ADORA2A: variants seen among roughly 807,000 people sequenced by gnomAD.
The protein encoded by ADORA2A is adenosine A2a receptor, also known as adenosine receptor A2a.
Under a neutral mutation model 18.4 loss-of-function variants are expected in ADORA2A, and 11 were observed. That is an observed-to-expected ratio of 0.60 (90% confidence interval 0.38 to 0.99). ADORA2A has a LOEUF of 0.99. Among genes scored for constraint, ADORA2A ranks in the 50% least tolerant of loss-of-function variants. The probability of loss-of-function intolerance (pLI) is 0.01; values close to 1 mark genes in which losing one functional copy is unlikely to be tolerated. For synonymous variants in ADORA2A, 218 were observed against 237.3 expected (o/e 0.92, Z 0.75); for missense variants, 449 against 556.1 (o/e 0.81, Z 1.94).
chr22:24,428,000 T>C (rs1177434236), intron 1 of ADORA2A, among the ~76,000 whole-genome samples: 2 of 152,130 alleles, frequency 1.3e-5, no homozygotes, highest in Non-Finnish European at 2.9e-5. Flanking sequence ...GGGGGAGGGA[T>C]GCCAGGTGTA....
chr22:24,435,217 G>A (rs764566761), intron 2 of ADORA2A, among the ~76,000 whole-genome samples: 17 of 152,242 alleles, frequency 1.1e-4, no homozygotes, highest in Admixed American at 3.3e-4. Context: ...AGTCTCTGGT[G>A]AGCCTCCATC....
chr22:24,424,107 T>A (rs1223699212), upstream of ADORA2A: 4 of 151,712 alleles, frequency 2.6e-5, no homozygotes, highest in Non-Finnish European at 5.9e-5. The surrounding 1 kb of genome is among the most constrained non-coding windows in gnomAD (Gnocchi z 4.9). Context: ...TCTGCTCCCC[T>A]CAGGGTTCCT....
At chr22:24,429,721 CT>C (rs2146871355) in intron 1 of ADORA2A, 1 of 152,660 alleles carries the variant, frequency 6.6e-6, no homozygotes, top group East Asian at 1.9e-4. Flanking sequence ...GTTTCCTCAT[CT>C]GTAAAATGGG....
At position 24,441,636 on chromosome 22, in the gene ADORA2A, G is replaced by T; in HGVS notation, c.*147G>T. On this transcript the variant is annotated 3_prime_UTR_variant, in exon 3 of 3. Transcript: ENST00000337539. ...TTTGGACTGAGAGAAGGGAGCCCCA[G>T]GCTGGAGCAGCATGAGGCCCAGCAA... The T allele has an allele frequency of 1.3e-6, 1 of 790,590 alleles. No individual in the cohort carries two copies. Among genetic ancestry groups the T allele is most frequent in the Non-Finnish European group, 1.8e-6 (1 of 553,622 alleles). The allele number at this position is 790,590 out of a possible 1,614,324, so 49.0% of individuals were successfully genotyped here. A position where few individuals can be genotyped will look rare whatever the true frequency, so the allele number is the denominator to read the frequency against.
At chr22:24,428,223 CA>C (rs769572658) in intron 1 of ADORA2A, among the ~76,000 whole-genome samples, 23 of 152,310 alleles carry the variant, frequency 1.5e-4, no homozygotes, top group Non-Finnish European at 3.4e-4. Context: ...TGGGCCATCC[CA>C]AAAGCCAGTC....
At chr22:24,436,750 G>C (rs1209593195) in intron 2 of ADORA2A, among the ~76,000 whole-genome samples, 1 of 152,242 alleles carries the variant, frequency 6.6e-6, no homozygotes, top group Non-Finnish European at 1.5e-5. Context: ...GATTGGGAGA[G>C]AGGGCTCCCT....
Position 24,440,946 on chromosome 22 carries a change from C to T in ADORA2A, c.696C>T (p.Ala232=). The stretch of plus-strand genomic sequence containing the variant: ...CACTGCAGAAGGAGGTCCATGCTGC[C>T]AAGTCACTGGCCATCATTGTGGGGC... The part of the protein sequence containing the change: ...RSTLQKEVHA[A]KSLAIIVGLF... The change falls in exon 3 of 3, where the codon GCC becomes GCT. Residue 232 remains alanine (A), a synonymous_variant. Coordinates refer to ENST00000337539, the MANE Select transcript of ADORA2A (RefSeq NM_000675.6). The T allele has an allele frequency of 6.2e-7, 1 of 1,614,164 alleles. No homozygotes were observed. The highest frequency in any genetic ancestry group is 8.5e-7 in the Non-Finnish European group (1 of 1,180,040).
intron 2 of ADORA2A, among the ~76,000 whole-genome samples, chr22:24,437,727 T>C (rs970092668): frequency 5.3e-5 from 8 of 152,358 alleles, no homozygotes; most frequent in South Asian, 4.1e-4. Context: ...ATGTATGTTT[T>C]GTTTCTGTCC....
upstream of ADORA2A, chr22:24,423,655 G>T: frequency 6.5e-6 from 1 of 153,016 alleles, no homozygotes; most frequent in Non-Finnish European, 1.5e-5. Context: ...GGAAGCGGCG[G>T]GACGGATGCG....
upstream of ADORA2A, among the ~76,000 whole-genome samples, chr22:24,426,590 C>A (rs1265724385): frequency 6.6e-6 from 1 of 152,040 alleles, no homozygotes; most frequent in East Asian, 1.9e-4. Flanking sequence ...CAGAGAGGAG[C>A]CCCCACACAA....
rs200117692 is a variant in ADORA2A, at chr22:24,441,169, G to A, written c.919G>A (p.Val307Ile). 9.9e-6 allele frequency: 16 copies of A among 1,614,162 alleles called. No homozygotes were observed. The highest frequency in any genetic ancestry group is 8.9e-5 in the East Asian group (4 of 44,890). The change falls in exon 3 of 3, where the codon GTC becomes ATC. Residue 307 changes from valine (V) to isoleucine (I), a missense_variant. By Grantham distance (29) the Val-to-Ile change is conservative. Coordinates refer to ENST00000337539, the MANE Select transcript of ADORA2A (RefSeq NM_000675.6). ...CTTCCGCAAGATCATTCGCAGCCAC[G>A]TCCTGAGGCAGCAAGAACCTTTCAA... ...QTFRKIIRSH[V>I]LRQQEPFKAA...
At chr22:24,426,404 G>A (rs1221815006), upstream of ADORA2A, among the ~76,000 whole-genome samples, 3 of 152,216 alleles carry the variant, frequency 2.0e-5, no homozygotes, top group Admixed American at 6.5e-5. Flanking sequence ...CATGTGTGGT[G>A]GGGGTGCTGT....
At position 24,441,896 on chromosome 22, in the gene ADORA2A, C is replaced by G. The variant is rs368865600; in HGVS notation, c.*407C>G. On this transcript the variant is annotated 3_prime_UTR_variant, in exon 3 of 3. Coordinates refer to ENST00000337539, the MANE Select transcript of ADORA2A (RefSeq NM_000675.6). ...CCACCCACACACCACTCTCCCTAGA[C>G]TCTCCTAGGGTTCAGGAGCTGCTGG... 2.3e-5 allele frequency: 4 copies of G among 176,684 alleles called. No homozygotes were observed. The highest frequency in any genetic ancestry group is 9.4e-5 in the African/African-American group (4 of 42,378). 10.9% of individuals were successfully genotyped at this position (176,684 alleles called of 1,614,324 possible).
chr22:24,430,504 C>T (rs1247793290), intron 1 of ADORA2A: 3 of 156,666 alleles, frequency 1.9e-5, no homozygotes, highest in Non-Finnish European at 2.8e-5. Context: ...GGTACACAGG[C>T]AGGTACCCAG....
upstream of ADORA2A, among the ~76,000 whole-genome samples, chr22:24,425,884 A>G (rs1311344570): frequency 6.6e-6 from 1 of 152,218 alleles, no homozygotes; most frequent in East Asian, 1.9e-4. Flanking sequence ...TGATCTTAGC[A>G]ATGCCTAATG....
Position 24,441,327 on chromosome 22 carries a change from T to C in ADORA2A, c.1077T>C (p.Asn359=), listed in dbSNP as rs1169171859. 1 of 1,603,896 alleles carries C rather than the reference T, an allele frequency of 6.2e-7. No homozygotes were observed. Among genetic ancestry groups the C allele is most frequent in the African/African-American group, 1.3e-5 (1 of 74,758 alleles). The part of the protein sequence containing the change: ...GSAPHPERRP[N]GYALGLVSGG... ...CTCCCCACCCTGAGCGGAGGCCCAA[T>C]GGCTATGCCCTGGGGCTGGTGAGTG... Residue 359 remains asparagine, a synonymous_variant, in exon 3 of 3, where the codon AAT becomes AAC. Coordinates refer to ENST00000337539, the MANE Select transcript of ADORA2A (RefSeq NM_000675.6).
At chr22:24,440,054 C>G (rs2146924735) in intron 2 of ADORA2A, among the ~76,000 whole-genome samples, 2 of 152,206 alleles carry the variant, frequency 1.3e-5, no homozygotes, top group South Asian at 4.2e-4. Context: ...AGGCCTAGAT[C>G]CTCTATAGGT....
intron 2 of ADORA2A, among the ~76,000 whole-genome samples, chr22:24,435,175 G>A (rs538006929): frequency 6.6e-6 from 1 of 152,352 alleles, no homozygotes; most frequent in Non-Finnish European, 1.5e-5. Context: ...CCCTGAGAGG[G>A]GTGGAATTAG....
At chr22:24,440,524 C>T in intron 2 of ADORA2A, 59 bp from the exon 3 acceptor site, 1 of 1,499,656 alleles carries the variant, frequency 6.7e-7, no homozygotes, top group East Asian at 2.3e-5. Flanking sequence ...GGGTTCTGAA[C>T]TCTTGGCCCT....
Sources: allele counts gnomAD v4.1 joint callset (sites outside exome capture counted in the v4.1 genomes callset), GRCh38; gene constraint gnomAD v4.1.1; non-coding constraint Gnocchi (gnomAD v3.1); transcripts MANE v1.5; gene names NCBI Gene and HGNC (gene_info 2026-07-23, HGNC 2026-07-21).